KIRREL3: variants seen among roughly 807,000 people sequenced by gnomAD.
The protein encoded by KIRREL3 is kin of IRRE-like protein 3.
KIRREL3 carries 36 observed loss-of-function variants against 89.7 expected under a neutral mutation model. That is an observed-to-expected ratio of 0.40 (90% CI 0.31 to 0.53). KIRREL3 has a LOEUF of 0.53. KIRREL3 is among the 20% of genes least tolerant of loss of function. The probability of loss-of-function intolerance (pLI) is 0.49; values close to 1 mark genes in which losing one functional copy is unlikely to be tolerated. For missense variants in KIRREL3, 864 were observed against 1,056.6 expected (o/e 0.82, Z 2.53); for synonymous variants, 445 against 441.4 (o/e 1.01, Z -0.10).
At chr11:126,453,724 T>C (rs774275880) in intron 7 of KIRREL3, among the ~76,000 whole-genome samples, 6 of 152,252 alleles carry the variant, frequency 3.9e-5, no homozygotes, top group Middle Eastern at 3.4e-3. Flanking sequence ...CTCTCTGGCA[T>C]TAACCTGGGG....
At chr11:126,887,423 G>A (rs1001309357) in intron 1 of KIRREL3, among the ~76,000 whole-genome samples, 1 of 152,146 alleles carries the variant, frequency 6.6e-6, no homozygotes, top group Admixed American at 6.5e-5. Flanking sequence ...TTTCCAAGGA[G>A]AATTCTCCCC....
rs1276984800 is a variant in KIRREL3 at position 126,491,927 on chromosome 11, C to T, written c.434-18461G>A. The stretch of plus-strand genomic sequence containing the variant: ...ATGTTGGCCAGGCTGGTCTCGAACT[C>T]CAGACCTCAAGTGATCCTCCCGCAT... On this transcript the variant is annotated intron_variant, in intron 4 of 16. Coordinates refer to ENST00000525144, the MANE Select transcript of KIRREL3 (RefSeq NM_032531.4). The surrounding 1 kb of genome is among the most constrained non-coding windows in gnomAD (Gnocchi z 5.5). 6.6e-6 allele frequency among the ~76,000 whole-genome samples: 1 copy of T among 152,048 alleles called. No individual in the cohort carries two copies. Among genetic ancestry groups the T allele is most frequent in the Non-Finnish European group, 1.5e-5 (1 of 68,012 alleles).
chr11:126,692,544 CAAAAAAAAAAAAAAAAAA>C (rs71048799), intron 1 of KIRREL3, among the ~76,000 whole-genome samples: 1 of 42,682 alleles, frequency 2.3e-5, no homozygotes, highest in Non-Finnish European at 3.6e-5. Context: ...GACTCTGTCT[CAAAAAAAAAAAAAAAAAA>C]AAAAAAAAAA....
chr11:126,461,209 T>C (rs1282766739), intron 6 of KIRREL3, among the ~76,000 whole-genome samples: 1 of 152,266 alleles, frequency 6.6e-6, no homozygotes, highest in African/African-American at 2.4e-5. Flanking sequence ...GATGCTGGAC[T>C]GCATGGCTTT....
Position 126,687,808 on chromosome 11 carries a change from A to T in KIRREL3, c.56-124896T>A, listed in dbSNP as rs543729769. Among the ~76,000 whole-genome samples the T allele has an allele frequency of 6.6e-6, 1 of 152,272 alleles. No individual in the cohort carries two copies. Among genetic ancestry groups the T allele is most frequent in the Non-Finnish European group, 1.5e-5 (1 of 68,020 alleles). On this transcript the variant is annotated intron_variant, in intron 1 of 16. Coordinates refer to ENST00000525144, the MANE Select transcript of KIRREL3 (RefSeq NM_032531.4). This position sits in a 1 kb window ranked among gnomAD's most constrained non-coding sequence, Gnocchi z 4.6. Reference sequence around the variant, plus strand: ...TGCAGGTAATGACAGGCAAAGAGAGATGCGGTGAAATGGCCATGGGAGCAC... The same window carrying T: ...TGCAGGTAATGACAGGCAAAGAGAGTTGCGGTGAAATGGCCATGGGAGCAC...
At chr11:126,449,593 C>T (rs774825785) in intron 7 of KIRREL3, among the ~76,000 whole-genome samples, 63 of 152,306 alleles carry the variant, frequency 4.1e-4, no homozygotes, top group African/African-American at 1.4e-3. Context: ...CAGGGTCAAA[C>T]GGAGCATGCC....
intron 1 of KIRREL3, among the ~76,000 whole-genome samples, chr11:126,619,328 G>T (rs754275279): frequency 1.3e-5 from 2 of 152,232 alleles, no homozygotes; most frequent in Non-Finnish European, 2.9e-5. Flanking sequence ...TCAACTAGGG[G>T]GAGAATGGGA....
At chr11:126,457,337 A>G (rs1390954485) in intron 6 of KIRREL3, among the ~76,000 whole-genome samples, 4 of 143,298 alleles carry the variant, frequency 2.8e-5, no homozygotes, top group Admixed American at 7.0e-5. Context: ...GTATGTGTAT[A>G]TGTGTGTGTG....
chr11:126,487,145 A>G (rs1957385710), intron 4 of KIRREL3, among the ~76,000 whole-genome samples: 1 of 152,242 alleles, frequency 6.6e-6, no homozygotes, highest in Non-Finnish European at 1.5e-5. Flanking sequence ...CTTTCTTTTG[A>G]GATGACAGAT....
chr11:126,834,673 A>C (rs558536971), intron 1 of KIRREL3, among the ~76,000 whole-genome samples: 1 of 152,350 alleles, frequency 6.6e-6, no homozygotes, highest in Admixed American at 6.5e-5. Context: ...AATTCTCAGA[A>C]CAGGAGTCTC....
intron 1 of KIRREL3, among the ~76,000 whole-genome samples, chr11:126,618,763 C>A (rs1943459878): frequency 1.3e-5 from 2 of 152,178 alleles, no homozygotes; most frequent in African/African-American, 4.8e-5. Flanking sequence ...CGAGAACAAC[C>A]TAATACACTC....
At chr11:126,846,374 T>A (rs957044211) in intron 1 of KIRREL3, among the ~76,000 whole-genome samples, 1 of 152,216 alleles carries the variant, frequency 6.6e-6, no homozygotes, top group Non-Finnish European at 1.5e-5. Flanking sequence ...TGTTTATATA[T>A]GAAAGAGCTT....
intron 1 of KIRREL3, among the ~76,000 whole-genome samples, chr11:126,849,325 A>G (rs1944257938): frequency 6.6e-6 from 1 of 152,170 alleles, no homozygotes. Flanking sequence ...CTTGTTTAGC[A>G]CATCATCAAG....
chr11:126,633,284 C>T (rs1000326825), intron 1 of KIRREL3, among the ~76,000 whole-genome samples: 7 of 152,056 alleles, frequency 4.6e-5, no homozygotes, highest in Non-Finnish European at 8.8e-5. Context: ...AGCAAACCAC[C>T]ATGGCACACG....
intron 1 of KIRREL3, among the ~76,000 whole-genome samples, chr11:126,822,679 T>C (rs883585): frequency 0.86 from 131,382 of 152,166 alleles, 57,070 homozygotes; most frequent in East Asian, 1. Context: ...TTCTGCTCCA[T>C]GTGGCATCCA....
chr11:126,989,202 C>A lies in KIRREL3; in HGVS notation c.55+11253G>T, dbSNP rs776319318. Among the ~76,000 whole-genome samples the A allele has an allele frequency of 1.3e-5, 2 of 152,116 alleles. No individual in the cohort carries two copies. Among genetic ancestry groups the A allele is most frequent in the Non-Finnish European group, 2.9e-5 (2 of 68,022 alleles). On this transcript the variant is annotated intron_variant, in intron 1 of 16. Coordinates refer to ENST00000525144, the MANE Select transcript of KIRREL3 (RefSeq NM_032531.4). The surrounding 1 kb of genome is among the most constrained non-coding windows in gnomAD (Gnocchi z 6.2). ...GAAGTAAGGTTTTGCAAAACTTATG[C>A]AAAAAGTTTTCTTTTCTACAAGAGA...
At chr11:126,580,906 C>T (rs1417610874) in intron 1 of KIRREL3, among the ~76,000 whole-genome samples, 1 of 151,724 alleles carries the variant, frequency 6.6e-6, no homozygotes, top group Non-Finnish European at 1.5e-5. Flanking sequence ...GGCATCATCC[C>T]CTTTCAGTCT....
At chr11:126,672,988 G>C (rs1298676691) in intron 1 of KIRREL3, among the ~76,000 whole-genome samples, 1 of 152,184 alleles carries the variant, frequency 6.6e-6, no homozygotes, top group Non-Finnish European at 1.5e-5. Flanking sequence ...AAATAGGCTT[G>C]AGTTTCCTCA....
rs145646201 is a variant in KIRREL3, at chr11:126,901,704, A to G, written c.55+98751T>C. 1.5e-3 allele frequency among the ~76,000 whole-genome samples: 232 copies of G among 152,298 alleles called. 3 individuals carry two copies. Among genetic ancestry groups the G allele is most frequent in the African/African-American group, 4.6e-3 (190 of 41,560 alleles). ...ACATACAGATGATGACCCCTTGAACATGGGTTTGCAATTCCCATTCATCTC... is the reference window on the plus strand; with the variant it reads ...ACATACAGATGATGACCCCTTGAACGTGGGTTTGCAATTCCCATTCATCTC... On this transcript the variant is annotated intron_variant, in intron 1 of 16. Coordinates refer to ENST00000525144, the MANE Select transcript of KIRREL3 (RefSeq NM_032531.4).
Sources: allele counts gnomAD v4.1 joint callset (sites outside exome capture counted in the v4.1 genomes callset), GRCh38; gene constraint gnomAD v4.1.1; non-coding constraint Gnocchi (gnomAD v3.1); transcripts MANE v1.5; gene names NCBI Gene and HGNC (gene_info 2026-07-23, HGNC 2026-07-21).